The following LAMA1 variants were observed in gnomAD, a reference collection of about 807,000 sequenced individuals.
The protein encoded by LAMA1 is laminin subunit alpha 1, also known as laminin subunit alpha-1.
LAMA1 carries 219 observed loss-of-function variants against 348.7 expected under a neutral mutation model. The observed-to-expected ratio is 0.63, with a 90% CI of 0.56 to 0.70. LAMA1 has a LOEUF of 0.70. LAMA1 is among the 30% of genes least tolerant of loss of function. LAMA1 has a pLI of 0.00. For missense variants in LAMA1, 3,744 were observed against 3,888.0 expected (o/e 0.96, Z 0.99); for synonymous variants, 1,487 against 1,491.0 (o/e 1.00, Z 0.06).
chr18:6,989,762 T>C (rs2057750703), intron 36 of LAMA1, among the ~76,000 whole-genome samples: 1 of 152,172 alleles, frequency 6.6e-6, no homozygotes, highest in Non-Finnish European at 1.5e-5. Context: ...CAACCAGGTC[T>C]TCCCAGGAAC....
intron 10 of LAMA1, 23 bp from the exon 11 acceptor site, chr18:7,038,973 A>C (rs1337821199): frequency 6.2e-7 from 1 of 1,600,788 alleles, no homozygotes; most frequent in South Asian, 1.1e-5. Context: ...GTAAAAGATT[A>C]GCTTTTGAAA....
Position 7,113,431 on chromosome 18 carries a change from G to A in LAMA1, c.61+4229C>T, listed in dbSNP as rs1397130728. On this transcript the variant is annotated intron_variant, in intron 1 of 62. Transcript: ENST00000389658. ...TTTTGTGCATCTTATAAAGTGAGGGGTTTGGGGCACATAATCTAAACTTAT... is the reference window on the plus strand; with the variant it reads ...TTTTGTGCATCTTATAAAGTGAGGGATTTGGGGCACATAATCTAAACTTAT... Among the ~76,000 whole-genome samples the A allele has an allele frequency of 2.0e-5, 3 of 152,206 alleles. No homozygotes were observed. In the East Asian group the frequency reaches 5.8e-4, roughly 29 times the overall value.
rs1249039922 is a variant in LAMA1, at chr18:7,042,850, T to C, written c.1155+377A>G. On this transcript the variant is annotated intron_variant, in intron 8 of 62. Coordinates refer to ENST00000389658, the MANE Select transcript of LAMA1 (RefSeq NM_005559.4). ...GTGAGCCGAGATCGCACCACTGCAC[T>C]CCAGCCTGGCGACAGAGCGAGACTC... 4 of 233,020 alleles carry C rather than the reference T, an allele frequency of 1.7e-5. No individual in the cohort carries two copies. In the East Asian group the frequency reaches 3.5e-4, roughly 20 times the overall value. 14.4% of individuals were successfully genotyped at this position (233,020 alleles called of 1,614,324 possible).
At chr18:7,017,529 T>C in intron 19 of LAMA1, 145 bp from the exon 20 acceptor site, 1 of 711,516 alleles carries the variant, frequency 1.4e-6, no homozygotes, top group Non-Finnish European at 2.5e-6. Context: ...GCAATAACTT[T>C]AGAAGTTTAG....
At position 7,070,543 on chromosome 18, in the gene LAMA1, G is replaced by T. The variant is rs80142577; in HGVS notation, c.345+9432C>A. Among the ~76,000 whole-genome samples, 1,423 of 152,210 alleles carry T rather than the reference G, an allele frequency of 9.3e-3. 14 individuals are homozygous for T. Among genetic ancestry groups the T allele is most frequent in the African/African-American group, 0.033 (1,356 of 41,524 alleles). ...TCACTCAATACTGGTCAATTTTTCA[G>T]AAATTTGGGGGAAAAAACAACTGAC... On this transcript the variant is annotated intron_variant, in intron 3 of 62. Transcript: ENST00000389658.
Position 6,985,532 on chromosome 18 carries a change from G to C in LAMA1, c.5491C>G (p.Leu1831Val). ...AAQTDAVQDALEHLEDHQDKL... is the reference protein window; with the variant it reads ...AAQTDAVQDAVEHLEDHQDKL... Reference sequence around the variant, plus strand: ...TGTGCTGAGATGTAATTTACCTCTAGAGCATCTTGTACAGCATCTGTTTGT... The same window carrying C: ...TGTGCTGAGATGTAATTTACCTCTACAGCATCTTGTACAGCATCTGTTTGT... The change falls in exon 38 of 63, where the codon CTA (leucine) becomes GTA (valine). Residue 1831 changes from leucine (L) to valine (V), a missense_variant. By Grantham distance (32) the Leu-to-Val change is conservative. This residue lies in a region of LAMA1 where 1,983 missense variants were observed against 1,934.3 expected (regional missense o/e 1.03). Transcript: ENST00000389658. 6.2e-7 allele frequency: 1 copy of C among 1,613,682 alleles called. No homozygotes were observed. The highest frequency in any genetic ancestry group is 8.5e-7 in the Non-Finnish European group (1 of 1,179,614).
intron 51 of LAMA1, among the ~76,000 whole-genome samples, chr18:6,962,818 A>G (rs957446796): frequency 1.3e-5 from 2 of 152,222 alleles, no homozygotes; most frequent in Non-Finnish European, 2.9e-5. Context: ...TTTGTCCTAA[A>G]GGAAGTAACT....
intron 57 of LAMA1, among the ~76,000 whole-genome samples, chr18:6,952,299 T>A (rs2057550480): frequency 6.6e-6 from 1 of 152,176 alleles, no homozygotes; most frequent in South Asian, 2.1e-4. Context: ...CCGCACCATG[T>A]AGCTGCACAG....
At chr18:7,116,240 G>A (rs921393103) in intron 1 of LAMA1, among the ~76,000 whole-genome samples, 1 of 152,150 alleles carries the variant, frequency 6.6e-6, no homozygotes, top group African/African-American at 2.4e-5. Context: ...TTCAATTTCG[G>A]GGAACAATAA....
chr18:6,980,187 C>T (rs2057704450), intron 42 of LAMA1, among the ~76,000 whole-genome samples: 2 of 152,308 alleles, frequency 1.3e-5, no homozygotes, highest in South Asian at 4.1e-4. Flanking sequence ...AAAGCACATT[C>T]CAGCTTCTTT....
Position 7,007,257 on chromosome 18 carries a change from T to A in LAMA1, c.4142A>T (p.His1381Leu), listed in dbSNP as rs1203766513. 68 of 1,614,050 alleles carry A rather than the reference T, an allele frequency of 4.2e-5. No homozygotes were observed. The highest frequency in any genetic ancestry group is 5.7e-5 in the Non-Finnish European group (67 of 1,179,994). The stretch of plus-strand genomic sequence containing the variant: ...ACTCCCTGCTGGGAGCTTCCCTCTG[T>A]GGTACCCAGGGGCGCAGTCCTGAGG... The part of the protein sequence containing the change: ...FSCQDCAPGY[H>L]RGKLPAGSDR... The change falls in exon 29 of 63, where the codon CAC becomes CTC. Residue 1381 changes from histidine to leucine, a missense_variant. Coordinates refer to ENST00000389658, the MANE Select transcript of LAMA1 (RefSeq NM_005559.4).
Position 7,017,326 on chromosome 18 carries a change from G to A in LAMA1, c.2760C>T (p.Leu920=). ...CAGTCACGTTTGGTTTGCAGTCACA[G>A]AGCCCGGTCTCAAGATGGCACACGG... is the stretch of plus-strand genomic sequence containing the variant. ...HSAVCHLETG[L]CDCKPNVTGQ... Residue 920 remains leucine (L), a synonymous_variant, in exon 20 of 63, where the codon CTC becomes CTT. Transcript: ENST00000389658. 1 of 1,614,068 alleles carries A rather than the reference G, an allele frequency of 6.2e-7. No homozygotes were observed. The highest frequency in any genetic ancestry group is 1.1e-5 in the South Asian group (1 of 91,042).
chr18:7,083,689 C>G (rs2058202633), intron 1 of LAMA1, among the ~76,000 whole-genome samples: 1 of 152,006 alleles, frequency 6.6e-6, no homozygotes. Flanking sequence ...AAAATGATGT[C>G]TTACATATTA....
intron 30 of LAMA1, 49 bp from the exon 31 acceptor site, chr18:7,000,046 C>T (rs1269505275): frequency 2.2e-6 from 3 of 1,381,952 alleles, no homozygotes; most frequent in Non-Finnish European, 3.1e-6. Flanking sequence ...CAATTTCCAT[C>T]TTTCCTTAAG....
chr18:6,995,495 C>T, intron 33 of LAMA1, 49 bp from the exon 34 acceptor site: 1 of 1,002,732 alleles, frequency 1.0e-6, no homozygotes, highest in Non-Finnish European at 1.6e-6. Context: ...GTAAAATGTT[C>T]TGATTCTTAA....
intron 16 of LAMA1, among the ~76,000 whole-genome samples, chr18:7,027,591 C>T (rs1267771993): frequency 6.6e-6 from 1 of 151,754 alleles, no homozygotes; most frequent in African/African-American, 2.4e-5. Context: ...AAAACAAAAC[C>T]CAGTCATTAG....
intron 56 of LAMA1, 161 bp from the exon 57 acceptor site, chr18:6,955,626 G>A: frequency 1.4e-6 from 1 of 697,842 alleles, no homozygotes; most frequent in South Asian, 1.5e-5. Flanking sequence ...TTTAAATGAT[G>A]CACTCGCCAG....
intron 3 of LAMA1, among the ~76,000 whole-genome samples, chr18:7,053,591 C>G (rs550642204): frequency 6.6e-6 from 1 of 152,016 alleles, no homozygotes; most frequent in African/African-American, 2.4e-5. Flanking sequence ...CTATTAGCAG[C>G]GGGAGGAAAC....
At chr18:7,063,128 G>GTTT (rs2058109130) in intron 3 of LAMA1, among the ~76,000 whole-genome samples, 1 of 152,034 alleles carries the variant, frequency 6.6e-6, no homozygotes, top group Non-Finnish European at 1.5e-5. Flanking sequence ...TTTCCTTTGG[G>GTTT]CCCTAAATCT....
Sources: gnomAD v4.1 joint callset for allele counts (sites outside exome capture counted in the v4.1 genomes callset) on GRCh38, gnomAD v4.1.1 for gene constraint, gnomAD v4.1.1 regional missense constraint, MANE v1.5 for transcripts, NCBI Gene and HGNC (gene_info 2026-07-23, HGNC 2026-07-21) for gene names.